Variants in NR3C1 observed in about 807,000 individuals in gnomAD.
NR3C1 encodes the protein glucocorticoid receptor.
In NR3C1, 14 loss-of-function variants were observed where a neutral mutation model predicts 74.0. The ratio of observed to expected loss-of-function variants is 0.19; its 90% CI spans 0.12 to 0.30. NR3C1 has a LOEUF of 0.30. Among genes scored for constraint, NR3C1 ranks in the 10% least tolerant of loss-of-function variants. The pLI, the probability that NR3C1 is intolerant of heterozygous loss-of-function variation, is 1.00. For missense variants in NR3C1, 695 were observed against 909.8 expected, an observed-to-expected ratio of 0.76 and a Z score of 3.04; for synonymous variants, 308 against 332.5, an observed-to-expected ratio of 0.93 and a Z score of 0.80.
At chr5:143,344,710 T>A (rs902296626) in intron 2 of NR3C1, among the ~76,000 whole-genome samples, 2 of 152,066 alleles carry the variant, frequency 1.3e-5, no homozygotes, top group African/African-American at 4.8e-5. Flanking sequence ...TTGTCTCTAC[T>A]AAAAATACAA....
At chr5:143,331,412 C>A (rs529093029) in intron 2 of NR3C1, among the ~76,000 whole-genome samples, 8 of 152,234 alleles carry the variant, frequency 5.3e-5, no homozygotes, top group Admixed American at 5.2e-4. Flanking sequence ...TACCATTCGA[C>A]CCAGCAATCC....
chr5:143,357,879 T>G (rs1348040540), intron 2 of NR3C1, among the ~76,000 whole-genome samples: 1 of 152,238 alleles, frequency 6.6e-6, no homozygotes, highest in Non-Finnish European at 1.5e-5. Flanking sequence ...ACTCCTCACC[T>G]TCTCTTATAT....
At chr5:143,362,946 C>T (rs910118997) in intron 2 of NR3C1, among the ~76,000 whole-genome samples, 9 of 152,114 alleles carry the variant, frequency 5.9e-5, no homozygotes, top group African/African-American at 2.2e-4. Flanking sequence ...TCTAGAGGGC[C>T]ACATGCATGA....
At position 143,399,781 on chromosome 5, in the gene NR3C1, G is replaced by A; in HGVS notation, c.1059C>T (p.Val353=). 1 of 1,614,182 alleles carries A rather than the reference G, an allele frequency of 6.2e-7. No homozygotes were observed. ...QQQDQKPIFN[V]IPPIPVGSEN... ...CGGAACCAACGGGAATTGGTGGAAT[G>A]ACATTAAAAATAGGCTTCTGATCCT... The change falls in exon 2 of 9, where the codon GTC becomes GTT. Residue 353 remains valine, a synonymous_variant. Coordinates refer to ENST00000394464, the MANE Select transcript of NR3C1 (RefSeq NM_000176.3).
chr5:143,378,098 A>G (rs1332393471), intron 2 of NR3C1, among the ~76,000 whole-genome samples: 1 of 152,088 alleles, frequency 6.6e-6, no homozygotes, highest in African/African-American at 2.4e-5. Context: ...AAAGATTTAA[A>G]AAATTAGCCA....
intron 2 of NR3C1, among the ~76,000 whole-genome samples, chr5:143,323,771 C>T (rs527706757): frequency 4.0e-4 from 61 of 151,472 alleles, no homozygotes; most frequent in African/African-American, 1.0e-3. Context: ...ATACAAGGGC[C>T]GGAGGGATGG....
At chr5:143,403,188 C>A in intron 1 of NR3C1, 23 bp downstream of exon 1, 2 of 985,066 alleles carry the variant, frequency 2.0e-6, no homozygotes, top group South Asian at 9.4e-5. Context: ...CGCGCCCCGG[C>A]CCCCTCCCGC....
Position 143,400,816 on chromosome 5 carries a change from A to C in NR3C1, c.24T>G (p.Thr8=). Residue 8 remains threonine, a synonymous_variant, in exon 2 of 9, where the codon ACT becomes ACG. Coordinates refer to ENST00000394464, the MANE Select transcript of NR3C1 (RefSeq NM_000176.3). ...TGCTGGGGTTTTCTTCTCTACCAGG[A>C]GTTAATGATTCTTTGGAGTCCATCA... MDSKESL[T]PGREENPSSV... The C allele has an allele frequency of 6.2e-7, 1 of 1,613,954 alleles. No individual in the cohort carries two copies. The highest frequency in any genetic ancestry group is 8.5e-7 in the Non-Finnish European group (1 of 1,179,992).
rs563466790 is a variant in NR3C1, at chr5:143,415,650, A to G, written c.-13-14798T>C. Among the ~76,000 whole-genome samples the G allele has an allele frequency of 1.4e-4, 21 of 152,198 alleles. No homozygotes were observed. In the South Asian group the frequency reaches 2.3e-3, roughly 17 times the overall value. On this transcript the variant is annotated intron_variant, in intron 1 of 8. Transcript: ENST00000343796. ...AGTAGCATAGTATACCATTGTTTTA[A>G]CCTTTCCTTATTGAAGTATATGTAA...
intron 2 of NR3C1, among the ~76,000 whole-genome samples, chr5:143,321,160 C>T (rs574467676): frequency 3.9e-5 from 6 of 152,282 alleles, no homozygotes; most frequent in African/African-American, 1.4e-4. Flanking sequence ...AAGGCAAGAA[C>T]ATGTTGGAGA....
intron 2 of NR3C1, among the ~76,000 whole-genome samples, chr5:143,392,835 C>T (rs1838516670): frequency 1.3e-5 from 2 of 152,052 alleles, no homozygotes; most frequent in Admixed American, 6.5e-5. Context: ...AAATATGTGG[C>T]TAGTCTGTAT....
At chr5:143,313,973 A>G (rs936698901) in intron 3 of NR3C1, 29 bp downstream of exon 3, 1 of 1,611,596 alleles carries the variant, frequency 6.2e-7, no homozygotes, top group South Asian at 1.1e-5. Context: ...CAAGTAGAGG[A>G]AAAATAAACT....
intron 6 of NR3C1, among the ~76,000 whole-genome samples, chr5:143,296,921 AC>A: frequency 6.6e-6 from 1 of 152,050 alleles, no homozygotes; most frequent in East Asian, 1.9e-4. Flanking sequence ...TACTAAAAAT[AC>A]AAAAAATTAG....
chr5:143,352,541 A>C (rs1830420279), intron 2 of NR3C1, among the ~76,000 whole-genome samples: 1 of 152,178 alleles, frequency 6.6e-6, no homozygotes. Flanking sequence ...CTTGCAAAAT[A>C]ATATTAATAC....
At chr5:143,303,955 A>G (rs1444016054) in intron 4 of NR3C1, among the ~76,000 whole-genome samples, 1 of 152,162 alleles carries the variant, frequency 6.6e-6, no homozygotes, top group East Asian at 1.9e-4. Flanking sequence ...ACAAACCAAC[A>G]GCCAACATCA....
chr5:143,301,100 T>C (rs899333290), intron 4 of NR3C1, among the ~76,000 whole-genome samples: 3 of 152,080 alleles, frequency 2.0e-5, no homozygotes, highest in African/African-American at 7.2e-5. Flanking sequence ...TTTATCTCAC[T>C]TTCACTCTAA....
At chr5:143,389,888 AG>A (rs1837928636) in intron 2 of NR3C1, 3 of 945,126 alleles carry the variant, frequency 3.2e-6, no homozygotes, top group Non-Finnish European at 3.8e-6. Flanking sequence ...CTGCCATGCT[AG>A]GATGGCTCTT....
At chr5:143,294,103 T>A in intron 7 of NR3C1, 1 of 985,172 alleles carries the variant, frequency 1.0e-6, no homozygotes, top group Non-Finnish European at 1.2e-6. Context: ...AACTTTTTGT[T>A]GAGCAAAAAT....
chr5:143,293,864 C>G (rs1324313241), intron 7 of NR3C1: 1 of 609,868 alleles, frequency 1.6e-6, no homozygotes, highest in East Asian at 1.4e-4. Flanking sequence ...TGAAACCATT[C>G]TTTTTTTTTT....
Sources: allele counts gnomAD v4.1 joint callset (sites outside exome capture counted in the v4.1 genomes callset), GRCh38; gene constraint gnomAD v4.1.1; transcripts MANE v1.5; gene names NCBI Gene and HGNC (gene_info 2026-07-23, HGNC 2026-07-21).